FIG4: variants seen among roughly 807,000 people sequenced by gnomAD.
FIG4 encodes the protein polyphosphoinositide phosphatase.
Under a neutral mutation model 118.6 loss-of-function variants are expected in FIG4, and 112 were observed. That is an observed-to-expected ratio of 0.94 (90% CI 0.81 to 1.11). The LOEUF is 1.11. Ranked by LOEUF, FIG4 falls within the 50% of genes least tolerant of loss-of-function variation. The pLI, the probability that FIG4 is intolerant of heterozygous loss-of-function variation, is 0.00. For missense variants in FIG4, 969 were observed against 1,111.7 expected (o/e 0.87, Z 1.83); for synonymous variants, 369 against 381.2 (o/e 0.97, Z 0.37).
At chr6:109,699,542 G>A (rs543199887) in intron 1 of FIG4, among the ~76,000 whole-genome samples, 10 of 143,166 alleles carry the variant, frequency 7.0e-5, no homozygotes, top group South Asian at 6.5e-4. Context: ...TTGCTGTGTC[G>A]CCCAGGCTGG....
At position 109,810,383 on chromosome 6, in the gene FIG4, C is replaced by T. The variant is rs1040390797; in HGVS notation, c.2546+13532C>T. 2.0e-5 allele frequency among the ~76,000 whole-genome samples: 3 copies of T among 152,166 alleles called. No homozygotes were observed. The East Asian group carries it at 5.8e-4, about 29-fold the overall frequency. ...CCCTGGGATCTGATCCCATTCCTTC[C>T]GCTGCTGAGCTGTGAGTCCTTGCCT... On this transcript the variant is annotated intron_variant, in intron 22 of 22. Transcript: ENST00000230124.
In FIG4 at chr6:109,697,034, AAG is replaced by A. The variant is rs552348168; in HGVS notation, c.66+5534_66+5535del. 1.3e-3 allele frequency among the ~76,000 whole-genome samples: 197 copies of A among 152,202 alleles called. 2 individuals carry two copies. The South Asian group carries it at 0.037, about 29-fold the overall frequency. ...TACAATTATTACATGTTACCTAAAA[AAG>A]GGAAAAATGAGGTCAGGAGATTGAG... On this transcript the variant is annotated intron_variant, in intron 1 of 22. Coordinates refer to ENST00000230124, the MANE Select transcript of FIG4 (RefSeq NM_014845.6).
intron 22 of FIG4, among the ~76,000 whole-genome samples, chr6:109,807,520 T>C (rs1167212792): frequency 1.3e-5 from 2 of 152,232 alleles, no homozygotes; most frequent in Non-Finnish European, 2.9e-5. Flanking sequence ...CTTTGTCAGA[T>C]GGATAGATTG....
intron 22 of FIG4, among the ~76,000 whole-genome samples, chr6:109,822,751 G>T (rs1284824902): frequency 2.1e-5 from 3 of 145,312 alleles, no homozygotes; most frequent in African/African-American, 7.8e-5. Flanking sequence ...ACTTGGTGGG[G>T]ATGGTTGAAG....
At chr6:109,783,925 T>A (rs1777880823) in intron 16 of FIG4, among the ~76,000 whole-genome samples, 1 of 152,214 alleles carries the variant, frequency 6.6e-6, no homozygotes, top group African/African-American at 2.4e-5. Flanking sequence ...ACACAATTCA[T>A]TAGGCTTCAT....
intron 1 of FIG4, among the ~76,000 whole-genome samples, chr6:109,712,170 C>G (rs986010740): frequency 6.6e-6 from 1 of 152,204 alleles, no homozygotes; most frequent in African/African-American, 2.4e-5. Context: ...TGACCTTTCT[C>G]TCTAGCTGCC....
chr6:109,801,167 G>C (rs1349552208), intron 22 of FIG4, among the ~76,000 whole-genome samples: 1 of 152,126 alleles, frequency 6.6e-6, no homozygotes, highest in Non-Finnish European at 1.5e-5. Flanking sequence ...TCTAAGAAAT[G>C]GTTCAAAATA....
intron 1 of FIG4, among the ~76,000 whole-genome samples, chr6:109,700,952 G>A (rs993183988): frequency 4.6e-5 from 7 of 152,148 alleles, no homozygotes; most frequent in African/African-American, 1.7e-4. Flanking sequence ...TCAGATAAGG[G>A]ACACTCTACC....
intron 22 of FIG4, among the ~76,000 whole-genome samples, chr6:109,810,083 A>G (rs1215747533): frequency 6.6e-6 from 1 of 152,094 alleles, no homozygotes; most frequent in Non-Finnish European, 1.5e-5. Context: ...GAGTCCCAGA[A>G]CCTGCTCAGC....
chr6:109,795,060 TC>T (rs1438247804), intron 21 of FIG4, among the ~76,000 whole-genome samples: 1 of 150,634 alleles, frequency 6.6e-6, no homozygotes, highest in Non-Finnish European at 1.5e-5. Flanking sequence ...CTGAAAGCTT[TC>T]TACTTACTTC....
intron 10 of FIG4, among the ~76,000 whole-genome samples, chr6:109,755,292 G>A (rs1009039373): frequency 8.5e-5 from 13 of 152,172 alleles, no homozygotes; most frequent in Non-Finnish European, 1.0e-4. Flanking sequence ...TTGCACTGTG[G>A]TCTGAGAGAC....
intron 7 of FIG4, among the ~76,000 whole-genome samples, chr6:109,739,621 G>A (rs1776264364): frequency 6.6e-6 from 1 of 152,092 alleles, no homozygotes; most frequent in Admixed American, 6.6e-5. Flanking sequence ...GATCCCCAGG[G>A]TTTCTTTGTC....
At chr6:109,704,884 A>G (rs1175137257) in intron 1 of FIG4, among the ~76,000 whole-genome samples, 1 of 152,152 alleles carries the variant, frequency 6.6e-6, no homozygotes, top group Admixed American at 6.5e-5. Context: ...GAAAATTGGA[A>G]TATAAATTGT....
intron 12 of FIG4, among the ~76,000 whole-genome samples, 169 bp from the exon 13 acceptor site, chr6:109,763,767 AT>A (rs1777183871): frequency 6.6e-6 from 1 of 152,192 alleles, no homozygotes; most frequent in Non-Finnish European, 1.5e-5. Context: ...TGCCTCAGTC[AT>A]TTGCATGTTC....
intron 10 of FIG4, among the ~76,000 whole-genome samples, chr6:109,754,181 G>A (rs1345297054): frequency 2.6e-4 from 39 of 152,216 alleles, no homozygotes; most frequent in Non-Finnish European, 4.4e-5. Context: ...GGCCTTTTCT[G>A]CATCTATTGA....
chr6:109,699,363 C>T (rs1249909220), intron 1 of FIG4, among the ~76,000 whole-genome samples: 1 of 151,870 alleles, frequency 6.6e-6, no homozygotes, highest in Non-Finnish European at 1.5e-5. Context: ...TTTGATTTTG[C>T]TTTGATTCAT....
chr6:109,785,163 T>C, intron 17 of FIG4, 135 bp downstream of exon 17: 3 of 689,182 alleles, frequency 4.4e-6, no homozygotes, highest in Non-Finnish European at 8.0e-6. Context: ...ATTATGTTGC[T>C]GCTTTAATAG....
chr6:109,700,665 A>G (rs1007900736), intron 1 of FIG4, among the ~76,000 whole-genome samples: 26 of 152,232 alleles, frequency 1.7e-4, no homozygotes, highest in African/African-American at 5.5e-4. Context: ...ACATGACACC[A>G]CAAGTGGTAA....
intron 10 of FIG4, among the ~76,000 whole-genome samples, chr6:109,759,418 A>G (rs1160033679): frequency 6.8e-6 from 1 of 147,320 alleles, no homozygotes; most frequent in Non-Finnish European, 1.5e-5. Context: ...AAGTATTAAG[A>G]AAAAAAAAGA....
Sources: gnomAD v4.1 joint callset for allele counts (sites outside exome capture counted in the v4.1 genomes callset) on GRCh38, gnomAD v4.1.1 for gene constraint, MANE v1.5 for transcripts, NCBI Gene and HGNC (gene_info 2026-07-23, HGNC 2026-07-21) for gene names.